PGD: variants seen among roughly 807,000 people sequenced by gnomAD.
The protein encoded by PGD is phosphogluconate dehydrogenase.
In PGD, 21 loss-of-function variants were observed where a neutral mutation model predicts 60.4. The observed-to-expected ratio is 0.35, with a 90% CI of 0.25 to 0.50. The LOEUF is 0.50. Ranked by LOEUF, PGD falls within the 20% of genes least tolerant of loss-of-function variation. PGD has a pLI of 0.98. For synonymous variants in PGD, 230 were observed against 235.9 expected (o/e 0.97, Z 0.23); for missense variants, 477 against 613.1 (o/e 0.78, Z 2.34).
At chr1:10,412,712 T>C (rs1280108275) in intron 7 of PGD, 4 of 198,536 alleles carry the variant, frequency 2.0e-5, no homozygotes, top group Non-Finnish European at 4.1e-5. Context: ...AATATCAAAC[T>C]AGTTAGCGAT....
Position 10,399,114 on chromosome 1 carries a change from C to T in PGD, c.-4C>T, listed in dbSNP as rs746630838. The T allele has an allele frequency of 2.5e-6, 4 of 1,609,782 alleles. No homozygotes were observed. Among genetic ancestry groups the T allele is most frequent in the Middle Eastern group, 1.7e-4 (1 of 5,946 alleles). ...CGCTCTTCGGTTCTGCTCTGTCCGC[C>T]GCCATGGCCCAGTGAGTGACTCGCC... On this transcript the variant is annotated 5_prime_UTR_variant, in exon 1 of 13. Coordinates refer to ENST00000270776, the MANE Select transcript of PGD (RefSeq NM_002631.4).
At chr1:10,407,268 CAAGATCCTGTCCCTACAAAAAA>C (rs1481954645) in intron 5 of PGD, among the ~76,000 whole-genome samples, 2 of 152,054 alleles carry the variant, frequency 1.3e-5, no homozygotes, top group Non-Finnish European at 1.5e-5. Context: ...GGCAACATAG[CAAGATCCTGTCCCTACAAAAAA>C]AAGTTTTTAA....
At chr1:10,410,177 G>C (rs983169535) in intron 6 of PGD, among the ~76,000 whole-genome samples, 2 of 152,108 alleles carry the variant, frequency 1.3e-5, no homozygotes, top group African/African-American at 4.8e-5. Flanking sequence ...AAGGCCAGGC[G>C]TGGTGGCTCA....
chr1:10,420,389 C>CTTTTTTTTTT lies in PGD; in HGVS notation c.*655_*664dup, dbSNP rs70997229. ...CACTGTAACGTGCTTTTTCTTTCGTCTTTTTTTTTTTTTTTTTTTTTTTTG... is the reference window on the plus strand; with the variant it reads ...CACTGTAACGTGCTTTTTCTTTCGTCTTTTTTTTTTTTTTTTTTTTTTTTTTTTTTTTTTG... On this transcript the variant is annotated 3_prime_UTR_variant, in exon 13 of 13. Coordinates refer to ENST00000270776, the MANE Select transcript of PGD (RefSeq NM_002631.4). Among the ~76,000 whole-genome samples the CTTTTTTTTTT allele has an allele frequency of 2.7e-5, 2 of 75,058 alleles. No homozygotes were observed. The highest frequency in any genetic ancestry group is 4.9e-5 in the Non-Finnish European group (2 of 40,846). 49.2% of individuals were successfully genotyped at this position (75,058 alleles called of 152,430 possible).
intron 7 of PGD, 103 bp downstream of exon 7, chr1:10,411,655 G>A: frequency 7.5e-7 from 1 of 1,333,532 alleles, no homozygotes; most frequent in Non-Finnish European, 1.0e-6. Context: ...CCATTCGGGT[G>A]GCCTGCATGG....
At chr1:10,405,425 C>CACACACACACACACACACACACAT (rs548786254) in intron 5 of PGD, among the ~76,000 whole-genome samples, 3 of 149,572 alleles carry the variant, frequency 2.0e-5, no homozygotes, top group Middle Eastern at 3.4e-3. Flanking sequence ...CACACACACA[C>CACACACACACACACACACACACAT]ATATATATAA....
chr1:10,415,181 C>A (rs1389423479), intron 8 of PGD: 1 of 152,142 alleles, frequency 6.6e-6, no homozygotes, highest in Non-Finnish European at 1.5e-5. Flanking sequence ...TCCCTTGACT[C>A]TTCTCCCCTT....
At chr1:10,419,052 A>G in intron 11 of PGD, 127 bp downstream of exon 11, 1 of 623,266 alleles carries the variant, frequency 1.6e-6, no homozygotes, top group Non-Finnish European at 2.8e-6. Context: ...TCTGTCACCC[A>G]GGCTGGAGTA....
At position 10,420,389 on chromosome 1, in the gene PGD, C is replaced by CT. The variant is rs70997229; in HGVS notation, c.*664dup. On this transcript the variant is annotated 3_prime_UTR_variant, in exon 13 of 13. Transcript: ENST00000270776. The stretch of plus-strand genomic sequence containing the variant: ...CACTGTAACGTGCTTTTTCTTTCGT[C>CT]TTTTTTTTTTTTTTTTTTTTTTTTG... 4.6e-3 allele frequency among the ~76,000 whole-genome samples: 347 copies of CT among 74,970 alleles called. 4 individuals are homozygous for CT. The highest frequency in any genetic ancestry group is 0.014 in the African/African-American group (267 of 18,834). The allele number at this position is 74,970 out of a possible 152,430, so 49.2% of individuals were successfully genotyped here. A position where few individuals can be genotyped will look rare whatever the true frequency, so the allele number is the denominator to read the frequency against.
intron 7 of PGD, among the ~76,000 whole-genome samples, 159 bp downstream of exon 7, chr1:10,411,711 TA>T (rs1351765564): frequency 6.6e-6 from 1 of 152,240 alleles, no homozygotes; most frequent in African/African-American, 2.4e-5. Flanking sequence ...GCCTATACAC[TA>T]TGCTAGTCAG....
At chr1:10,414,405 T>G (rs1639558986) in intron 8 of PGD, among the ~76,000 whole-genome samples, 1 of 152,002 alleles carries the variant, frequency 6.6e-6, no homozygotes, top group South Asian at 2.1e-4. Context: ...GACGGTGTTG[T>G]GCTCTGTCAC....
chr1:10,402,133 G>A (rs1323877822), intron 3 of PGD, among the ~76,000 whole-genome samples: 4 of 152,226 alleles, frequency 2.6e-5, no homozygotes, highest in Middle Eastern at 3.4e-3. Context: ...CCTGACCTCC[G>A]AACTGTTGTC....
chr1:10,404,378 C>T, intron 5 of PGD, 99 bp downstream of exon 5: 1 of 633,056 alleles, frequency 1.6e-6, no homozygotes, highest in Non-Finnish European at 2.6e-6. Context: ...CTCTGTGGTG[C>T]CCTGAGTGTG....
chr1:10,417,329 T>TCA, intron 9 of PGD, 47 bp from the exon 10 acceptor site: 1 of 1,564,212 alleles, frequency 6.4e-7, no homozygotes, highest in Non-Finnish European at 8.7e-7. Flanking sequence ...CATAAGGCGG[T>TCA]CACTCTCCTA....
chr1:10,407,050 G>A (rs1420666761), intron 5 of PGD, among the ~76,000 whole-genome samples: 1 of 152,212 alleles, frequency 6.6e-6, no homozygotes, highest in Non-Finnish European at 1.5e-5. Context: ...GATGGCTTAT[G>A]CCTGTAATTT....
In PGD at chr1:10,408,086, C is replaced by T. The variant is rs762072878; in HGVS notation, c.465C>T (p.Thr155=). 6.2e-7 allele frequency: 1 copy of T among 1,604,506 alleles called. No homozygotes were observed. Among genetic ancestry groups the T allele is most frequent in the Non-Finnish European group, 8.5e-7 (1 of 1,171,116 alleles). The change falls in exon 6 of 13, where the codon ACC becomes ACT. Residue 155 remains threonine, a synonymous_variant. Transcript: ENST00000270776. ...GNKEAWPHIK[T]IFQGIAAKVG... Reference sequence around the variant, plus strand: ...CTTTACACAGGCCCCACATCAAGACCATCTTCCAAGGCATTGCTGCAAAAG... The same window carrying T: ...CTTTACACAGGCCCCACATCAAGACTATCTTCCAAGGCATTGCTGCAAAAG...
chr1:10,416,859 T>C, intron 8 of PGD, 128 bp from the exon 9 acceptor site: 2 of 764,390 alleles, frequency 2.6e-6, no homozygotes, highest in Non-Finnish European at 4.2e-6. Context: ...TTTTCACTTC[T>C]TTTGTGATTC....
In PGD at chr1:10,408,204, G is replaced by A. The variant is rs907276703; in HGVS notation, c.519+64G>A. The stretch of plus-strand genomic sequence containing the variant: ...TGGGCGTGTCTAAGTGATGAAGTGC[G>A]TGGAGAAAGGCCACCGTGGTCTCCC... On this transcript the variant is annotated intron_variant, in intron 6 of 12. Transcript: ENST00000270776. 4.4e-5 allele frequency: 40 copies of A among 911,792 alleles called. No homozygotes were observed. In the East Asian group the frequency reaches 4.6e-4, roughly 10 times the overall value. 56.5% of individuals were successfully genotyped at this position (911,792 alleles called of 1,614,324 possible). A position where few individuals can be genotyped will look rare whatever the true frequency, so the allele number is the denominator to read the frequency against.
rs1484859013 is a variant in PGD at position 10,419,968 on chromosome 1, G to A, written c.*219G>A. On this transcript the variant is annotated 3_prime_UTR_variant, in exon 13 of 13. Coordinates refer to ENST00000270776, the MANE Select transcript of PGD (RefSeq NM_002631.4). ...TTGGGACTGACCAGGAGCTGCTCATGTGCGTGAGAGTGGGAACCATCTCCT... is the reference window on the plus strand; with the variant it reads ...TTGGGACTGACCAGGAGCTGCTCATATGCGTGAGAGTGGGAACCATCTCCT... The A allele has an allele frequency of 1.8e-6, 1 of 547,240 alleles. No individual in the cohort carries two copies. Among genetic ancestry groups the A allele is most frequent in the Non-Finnish European group, 3.3e-6 (1 of 306,554 alleles). The allele number at this position is 547,240 out of a possible 1,614,324, so 33.9% of individuals were successfully genotyped here.
Sources: allele counts gnomAD v4.1 joint callset (sites outside exome capture counted in the v4.1 genomes callset), GRCh38; gene constraint gnomAD v4.1.1; transcripts MANE v1.5; gene names NCBI Gene and HGNC (gene_info 2026-07-23, HGNC 2026-07-21).